Variants in CIT observed in about 807,000 individuals in gnomAD.
The protein encoded by CIT is citron rho-interacting serine/threonine kinase, also known as citron Rho-interacting kinase.
Under a neutral mutation model 272.7 loss-of-function variants are expected in CIT, and 79 were observed. The ratio of observed to expected loss-of-function variants is 0.29; its 90% CI spans 0.24 to 0.35. The LOEUF (loss-of-function observed/expected upper bound fraction) is 0.35. Ranked by LOEUF, CIT falls within the 10% of genes least tolerant of loss-of-function variation. CIT has a pLI of 1.00. For missense variants in CIT, 1,909 were observed against 2,618.3 expected (o/e 0.73, Z 5.91); for synonymous variants, 948 against 995.6 (o/e 0.95, Z 0.90).
At position 119,718,285 on chromosome 12, in the gene CIT, G is replaced by A. The variant is rs1383729170; in HGVS notation, c.4128C>T (p.Ala1376=). The A allele has an allele frequency of 3.1e-6, 5 of 1,613,788 alleles. No individual in the cohort carries two copies. The highest frequency in any genetic ancestry group is 1.1e-5 in the South Asian group (1 of 91,062). The change falls in exon 32 of 48, where the codon GCC becomes GCT. Residue 1376 remains alanine (A), a synonymous_variant. Coordinates refer to ENST00000392521, the MANE Select transcript of CIT (RefSeq NM_001206999.2). The surrounding 1 kb of genome is among the most constrained non-coding windows in gnomAD (Gnocchi z 4.8). ...EHQPSAMSLL[A]PPSSRRKESS... is the part of the protein sequence containing the mutation. ...ACTCCTTTCTGCGGCTGGATGGCGGGGCCAGCAGGCTCATGGCACTGGGCT... is the reference window on the plus strand; with the variant it reads ...ACTCCTTTCTGCGGCTGGATGGCGGAGCCAGCAGGCTCATGGCACTGGGCT...
At chr12:119,824,381 A>G (rs552840152) in intron 8 of CIT, among the ~76,000 whole-genome samples, 23 of 152,248 alleles carry the variant, frequency 1.5e-4, no homozygotes, top group Admixed American at 1.2e-3. Flanking sequence ...AGATTAACTA[A>G]CTGACTAAAC....
intron 28 of CIT, among the ~76,000 whole-genome samples, chr12:119,726,232 AT>A (rs1292491034): frequency 6.6e-6 from 1 of 151,410 alleles, no homozygotes; most frequent in East Asian, 1.9e-4. Context: ...TTTAATTTTT[AT>A]TTTGAGACAG....
At chr12:119,836,365 T>C (rs1422842416) in intron 5 of CIT, among the ~76,000 whole-genome samples, 1 of 149,014 alleles carries the variant, frequency 6.7e-6, no homozygotes, top group Non-Finnish European at 1.5e-5. Context: ...CATACACACC[T>C]TCTTTCCCCC....
intron 10 of CIT, among the ~76,000 whole-genome samples, chr12:119,799,523 T>G (rs181854332): frequency 6.6e-6 from 1 of 152,268 alleles, no homozygotes; most frequent in East Asian, 1.9e-4. Context: ...TCCATCGCTG[T>G]GTTTTCAGAA....
chr12:119,837,796 A>G (rs1039072722), intron 5 of CIT, among the ~76,000 whole-genome samples: 2 of 152,202 alleles, frequency 1.3e-5, no homozygotes, highest in Non-Finnish European at 2.9e-5. Context: ...CAAGCCAGGC[A>G]TGTTGGCTCA....
chr12:119,687,377 T>C lies in CIT; in HGVS notation c.*855A>G, dbSNP rs1955640180. On this transcript the variant is annotated 3_prime_UTR_variant, in exon 48 of 48. Coordinates refer to ENST00000392521, the MANE Select transcript of CIT (RefSeq NM_001206999.2). Reference sequence around the variant, plus strand: ...AGTGCTGGGCTCCGAGCAAGTCTATTGCATGCTTTCCTGGCCAAAGCTATA... The same window carrying C: ...AGTGCTGGGCTCCGAGCAAGTCTATCGCATGCTTTCCTGGCCAAAGCTATA... 1 of 151,970 alleles carries C rather than the reference T, an allele frequency of 6.6e-6. No individual in the cohort carries two copies. Among genetic ancestry groups the C allele is most frequent in the Non-Finnish European group, 1.5e-5 (1 of 67,958 alleles). The allele number at this position is 151,970 out of a possible 1,614,324, so 9.4% of individuals were successfully genotyped here. A position where few individuals can be genotyped will look rare whatever the true frequency, so the allele number is the denominator to read the frequency against.
At chr12:119,870,629 G>A (rs1950645382) in intron 2 of CIT, among the ~76,000 whole-genome samples, 1 of 151,394 alleles carries the variant, frequency 6.6e-6, no homozygotes, top group Non-Finnish European at 1.5e-5. Context: ...AGATGCTTGG[G>A]CTAGACCAGG....
intron 8 of CIT, among the ~76,000 whole-genome samples, chr12:119,824,077 G>A (rs1247538668): frequency 8.5e-5 from 11 of 129,556 alleles, no homozygotes; most frequent in Admixed American, 4.0e-4. Flanking sequence ...TAATGTAGTA[G>A]AAAGCACAGT....
intron 46 of CIT, among the ~76,000 whole-genome samples, chr12:119,695,313 A>C (rs1402672989): frequency 6.6e-6 from 1 of 152,078 alleles, no homozygotes; most frequent in Non-Finnish European, 1.5e-5. Context: ...GAAGCTCCCC[A>C]AAAAGCCCCA....
intron 3 of CIT, among the ~76,000 whole-genome samples, chr12:119,867,868 T>G (rs1397642400): frequency 1.3e-5 from 2 of 152,184 alleles, no homozygotes; most frequent in Admixed American, 6.6e-5. Flanking sequence ...TATGACTTCA[T>G]AGGCCCTAGG....
At chr12:119,755,893 C>A (rs557020142) in intron 22 of CIT, among the ~76,000 whole-genome samples, 1 of 152,252 alleles carries the variant, frequency 6.6e-6, no homozygotes, top group African/African-American at 2.4e-5. Context: ...CTTTTAATCT[C>A]CCACCGTCAT....
chr12:119,814,760 G>A (rs552034773), intron 9 of CIT, among the ~76,000 whole-genome samples: 1 of 152,260 alleles, frequency 6.6e-6, no homozygotes, highest in South Asian at 2.1e-4. Context: ...AACTTTAAAA[G>A]GCCCAAAACA....
At chr12:119,764,832 A>T (rs930211169) in intron 19 of CIT, among the ~76,000 whole-genome samples, 5 of 151,992 alleles carry the variant, frequency 3.3e-5, no homozygotes, top group African/African-American at 1.2e-4. Context: ...TTTGAGACAG[A>T]GTCTCACTCT....
rs992862889 is a variant in CIT, at chr12:119,854,018, C to T, written c.414+3505G>A. Among the ~76,000 whole-genome samples the T allele has an allele frequency of 2.0e-5, 3 of 151,824 alleles. No individual in the cohort carries two copies. The East Asian group carries it at 5.8e-4, about 29-fold the overall frequency. The stretch of plus-strand genomic sequence containing the variant: ...TCCGGGCAACATAGGGAGATCCCAC[C>T]TCTACATAATTTATTTTTTTTTTTT... On this transcript the variant is annotated intron_variant, in intron 4 of 47. Transcript: ENST00000392521.
chr12:119,848,322 C>T (rs906117514), intron 5 of CIT, among the ~76,000 whole-genome samples: 4 of 152,128 alleles, frequency 2.6e-5, no homozygotes, highest in Non-Finnish European at 5.9e-5. Context: ...GCAGCAAATT[C>T]CCCAAAAACG....
At position 119,712,543 on chromosome 12, in the gene CIT, C is replaced by T; in HGVS notation, c.4684+48G>A. The T allele has an allele frequency of 1.9e-6, 3 of 1,571,644 alleles. No homozygotes were observed. The highest frequency in any genetic ancestry group is 2.6e-6 in the Non-Finnish European group (3 of 1,142,514). ...CACCCCTTCTGTCCCTGCTGATTGG[C>T]CAAGCCCGGCCCACCTCCAGGGCGG... On this transcript the variant is annotated intron_variant, in intron 36 of 47. Coordinates refer to ENST00000392521, the MANE Select transcript of CIT (RefSeq NM_001206999.2). The surrounding 1 kb of genome is among the most constrained non-coding windows in gnomAD (Gnocchi z 5.2).
intron 10 of CIT, among the ~76,000 whole-genome samples, chr12:119,798,763 G>A (rs1270293166): frequency 1.3e-5 from 2 of 152,178 alleles, no homozygotes; most frequent in South Asian, 2.1e-4. Flanking sequence ...TTGGGGGAAT[G>A]GACAGACATT....
chr12:119,751,286 G>A (rs1184209405), intron 23 of CIT, among the ~76,000 whole-genome samples: 1 of 152,058 alleles, frequency 6.6e-6, no homozygotes, highest in African/African-American at 2.4e-5. Flanking sequence ...CCCCCTTCAA[G>A]TTAAGTTGGC....
chr12:119,805,331 A>C (rs1367838624), intron 9 of CIT, among the ~76,000 whole-genome samples: 2 of 152,218 alleles, frequency 1.3e-5, no homozygotes, highest in Non-Finnish European at 2.9e-5. Flanking sequence ...TCAACATGGC[A>C]ATATCTATTT....
Sources: allele counts gnomAD v4.1 joint callset (sites outside exome capture counted in the v4.1 genomes callset), GRCh38; gene constraint gnomAD v4.1.1; non-coding constraint Gnocchi (gnomAD v3.1); transcripts MANE v1.5; gene names NCBI Gene and HGNC (gene_info 2026-07-23, HGNC 2026-07-21).